CDKAL1: variants seen among roughly 807,000 people sequenced by gnomAD.
CDKAL1 encodes threonylcarbamoyladenosine tRNA methylthiotransferase.
CDKAL1 carries 32 observed loss-of-function variants against 68.2 expected under a neutral mutation model. The observed-to-expected ratio is 0.47, with a 90% CI of 0.35 to 0.63. The LOEUF is 0.63. Ranked by LOEUF, CDKAL1 falls within the 30% of genes least tolerant of loss-of-function variation. The pLI, the probability that CDKAL1 is intolerant of heterozygous loss-of-function variation, is 0.00. For synonymous variants in CDKAL1, 234 were observed against 244.3 expected (o/e 0.96, Z 0.39); for missense variants, 606 against 696.7 (o/e 0.87, Z 1.47).
intron 11 of CDKAL1, among the ~76,000 whole-genome samples, chr6:21,020,988 A>C (rs1391330900): frequency 1.3e-5 from 2 of 152,098 alleles, no homozygotes. Context: ...TTATGAACCC[A>C]GCCACTTAGT....
At chr6:20,799,069 T>TTTTTTTTTTTTTTTG (rs70990069) in intron 8 of CDKAL1, among the ~76,000 whole-genome samples, 1 of 140,290 alleles carries the variant, frequency 7.1e-6, no homozygotes, top group Non-Finnish European at 1.5e-5. Context: ...TTTTTTTTTT[T>TTTTTTTTTTTTTTTG]GAGACGGAGT....
At chr6:20,618,973 C>T (rs59621846) in intron 4 of CDKAL1, among the ~76,000 whole-genome samples, 1 of 152,050 alleles carries the variant, frequency 6.6e-6, no homozygotes, top group African/African-American at 2.4e-5. Context: ...GCCATTGCAC[C>T]TGGTGATTTT....
At chr6:20,626,661 G>A (rs1561978127) in intron 4 of CDKAL1, among the ~76,000 whole-genome samples, 1 of 152,068 alleles carries the variant, frequency 6.6e-6, no homozygotes, top group Admixed American at 6.6e-5. Flanking sequence ...CATTTTGAGG[G>A]TAGATATCTG....
intron 5 of CDKAL1, among the ~76,000 whole-genome samples, chr6:20,657,757 G>T (rs1769093591): frequency 6.6e-6 from 1 of 152,080 alleles, no homozygotes; most frequent in Non-Finnish European, 1.5e-5. Context: ...TTGATATTCA[G>T]ACTGATAAAA....
chr6:20,911,761 C>G (rs1438687271), intron 9 of CDKAL1, among the ~76,000 whole-genome samples: 2 of 152,192 alleles, frequency 1.3e-5, no homozygotes, highest in Admixed American at 1.3e-4. Context: ...CTTGTGTCTT[C>G]CCCAACCTCT....
intron 12 of CDKAL1, among the ~76,000 whole-genome samples, chr6:21,100,784 A>G (rs1773542599): frequency 6.6e-6 from 1 of 152,046 alleles, no homozygotes; most frequent in Non-Finnish European, 1.5e-5. Flanking sequence ...AATTCCAGGG[A>G]CTTTTTTTCC....
intron 14 of CDKAL1, among the ~76,000 whole-genome samples, chr6:21,199,260 G>T (rs1005983915): frequency 3.3e-5 from 5 of 152,158 alleles, no homozygotes; most frequent in African/African-American, 1.2e-4. Context: ...ACATTCCCCA[G>T]GGAATCATCT....
chr6:20,835,772 A>G (rs1777913041), intron 8 of CDKAL1, among the ~76,000 whole-genome samples: 1 of 151,934 alleles, frequency 6.6e-6, no homozygotes, highest in African/African-American at 2.4e-5. Context: ...CTGATCTTGA[A>G]CTGCTGACCT....
intron 8 of CDKAL1, among the ~76,000 whole-genome samples, chr6:20,784,408 A>ATTTTT (rs1402113263): frequency 1.5e-3 from 35 of 22,996 alleles, no homozygotes; most frequent in East Asian, 2.2e-3. Flanking sequence ...CAGATATTTT[A>ATTTTT]TTTCTTTTTT....
intron 8 of CDKAL1, among the ~76,000 whole-genome samples, chr6:20,781,580 A>G (rs1206798335): frequency 1.3e-5 from 2 of 152,216 alleles, no homozygotes; most frequent in African/African-American, 4.8e-5. Flanking sequence ...TGAATGATTA[A>G]GACACTTGTC....
chr6:20,711,120 A>C (rs1771824171), intron 5 of CDKAL1, among the ~76,000 whole-genome samples: 1 of 152,218 alleles, frequency 6.6e-6, no homozygotes, highest in East Asian at 1.9e-4. Context: ...TATTTGAACA[A>C]GAAGGAACAG....
intron 13 of CDKAL1, among the ~76,000 whole-genome samples, chr6:21,143,325 GT>G (rs891563004): frequency 6.6e-6 from 1 of 151,952 alleles, no homozygotes; most frequent in Non-Finnish European, 1.5e-5. Context: ...TAGTCTGTAG[GT>G]TTTTTTTCTT....
chr6:20,743,631 T>A (rs1034110669), intron 6 of CDKAL1, among the ~76,000 whole-genome samples: 1 of 152,182 alleles, frequency 6.6e-6, no homozygotes, highest in African/African-American at 2.4e-5. Flanking sequence ...TCTGGGCCTT[T>A]TATTATCATC....
intron 9 of CDKAL1, among the ~76,000 whole-genome samples, chr6:20,851,529 T>C (rs1276472563): frequency 1.3e-5 from 2 of 152,148 alleles, no homozygotes; most frequent in African/African-American, 2.4e-5. Context: ...ATAGCTATCG[T>C]GTGCTTTTCT....
At chr6:20,609,919 C>T (rs1766543482) in intron 4 of CDKAL1, among the ~76,000 whole-genome samples, 1 of 152,132 alleles carries the variant, frequency 6.6e-6, no homozygotes, top group African/African-American at 2.4e-5. Flanking sequence ...TCCTGATCGT[C>T]TCCCTCCTCC....
At chr6:20,712,996 G>T (rs1771921274) in intron 5 of CDKAL1, among the ~76,000 whole-genome samples, 1 of 149,748 alleles carries the variant, frequency 6.7e-6, no homozygotes, top group African/African-American at 2.5e-5. Context: ...TTTAATCTTT[G>T]TAAGATTCTA....
intron 13 of CDKAL1, among the ~76,000 whole-genome samples, chr6:21,125,217 C>A (rs952255282): frequency 6.6e-6 from 1 of 152,148 alleles, no homozygotes; most frequent in East Asian, 1.9e-4. Context: ...TGAGTGAGTT[C>A]TCATGAGATC....
At chr6:21,089,177 T>C (rs981347900) in intron 12 of CDKAL1, among the ~76,000 whole-genome samples, 2 of 152,186 alleles carry the variant, frequency 1.3e-5, no homozygotes, top group African/African-American at 4.8e-5. Flanking sequence ...TACCATGCCT[T>C]AAAAAATTTA....
At chr6:21,040,887 C>T (rs945256775) in intron 11 of CDKAL1, among the ~76,000 whole-genome samples, 28 of 152,082 alleles carry the variant, frequency 1.8e-4, no homozygotes, top group African/African-American at 6.5e-4. Context: ...TGCCTTTTTG[C>T]CCACACCTGA....
Sources: gnomAD v4.1 joint callset for allele counts (sites outside exome capture counted in the v4.1 genomes callset) on GRCh38, gnomAD v4.1.1 for gene constraint, MANE v1.5 for transcripts, NCBI Gene and HGNC (gene_info 2026-07-23, HGNC 2026-07-21) for gene names.